RPA3: variants seen among roughly 807,000 people sequenced by gnomAD.
The protein encoded by RPA3 is replication protein A 14 kDa subunit.
Under a neutral mutation model 13.7 loss-of-function variants are expected in RPA3, and 24 were observed. That is an observed-to-expected ratio of 1.75 (90% CI 1.27 to 2.46). RPA3 has a LOEUF of 2.46. RPA3 is among the 30% of genes most tolerant of loss of function. The probability of loss-of-function intolerance (pLI) is 0.00; values close to 1 mark genes in which losing one functional copy is unlikely to be tolerated. For missense variants in RPA3, 183 were observed against 151.0 expected (o/e 1.21, Z -1.11); for synonymous variants, 59 against 51.2 (o/e 1.15, Z -0.65).
chr7:7,656,307 T>A lies in RPA3; in HGVS notation c.-757-15132A>T, dbSNP rs568522168. Among the ~76,000 whole-genome samples, 1,177 of 151,942 alleles carry A rather than the reference T, an allele frequency of 7.7e-3. 13 individuals are homozygous for A. The highest frequency in any genetic ancestry group is 0.026 in the African/African-American group (1,076 of 41,438). Reference sequence around the variant, plus strand: ...TTAGTAAAGAACTTGTTCATGTATTTAAAAAAATTTTTTTTTTGTTTTATT... The same window carrying A: ...TTAGTAAAGAACTTGTTCATGTATTAAAAAAAATTTTTTTTTTGTTTTATT... On this transcript the variant is annotated intron_variant, in intron 4 of 7. Coordinates refer to ENST00000223129, the MANE Select transcript of RPA3 (RefSeq NM_002947.5).
chr7:7,643,811 A>T (rs1785033856), intron 4 of RPA3, among the ~76,000 whole-genome samples: 1 of 151,512 alleles, frequency 6.6e-6, no homozygotes, highest in Admixed American at 6.6e-5. Flanking sequence ...TTGGGTCTCT[A>T]ACAAGCACAC....
At chr7:7,642,686 T>C (rs776024481) in intron 4 of RPA3, among the ~76,000 whole-genome samples, 1 of 152,168 alleles carries the variant, frequency 6.6e-6, no homozygotes, top group Non-Finnish European at 1.5e-5. Flanking sequence ...CCGATTTGCA[T>C]AGTTTTGAGA....
intron 4 of RPA3, among the ~76,000 whole-genome samples, chr7:7,654,422 G>A (rs966729526): frequency 6.6e-6 from 1 of 152,206 alleles, no homozygotes; most frequent in African/African-American, 2.4e-5. Context: ...ATTCTGTAGA[G>A]ACAGTACAGT....
At chr7:7,662,210 G>A (rs962196935) in intron 4 of RPA3, among the ~76,000 whole-genome samples, 3 of 152,168 alleles carry the variant, frequency 2.0e-5, no homozygotes, top group Non-Finnish European at 2.9e-5. Flanking sequence ...TGCTGGCAGC[G>A]ATAATTTCAA....
In RPA3 at chr7:7,664,748, G is replaced by A. The variant is rs554036543; in HGVS notation, c.-758+21082C>T. On this transcript the variant is annotated intron_variant, in intron 4 of 7. Coordinates refer to ENST00000223129, the MANE Select transcript of RPA3 (RefSeq NM_002947.5). The stretch of plus-strand genomic sequence containing the variant: ...TCTGGAATGTTTTATGCTTTCTAGC[G>A]TTGTTTTAGGTTGTGTATTCTTATC... Among the ~76,000 whole-genome samples the A allele has an allele frequency of 1.1e-4, 16 of 152,230 alleles. No homozygotes were observed. The South Asian group carries it at 2.3e-3, about 22-fold the overall frequency.
intron 2 of RPA3, among the ~76,000 whole-genome samples, chr7:7,695,056 CCTTT>C (rs1422427553): frequency 6.6e-6 from 1 of 152,148 alleles, no homozygotes; most frequent in Non-Finnish European, 1.5e-5. Context: ...TTTGTCATTA[CCTTT>C]CTTTTGGATA....
chr7:7,712,006 T>C (rs537102199), intron 2 of RPA3, among the ~76,000 whole-genome samples: 1 of 152,120 alleles, frequency 6.6e-6, no homozygotes, highest in Non-Finnish European at 1.5e-5. Flanking sequence ...TTGGATTAAT[T>C]CATCTTCTTT....
intron 4 of RPA3, among the ~76,000 whole-genome samples, chr7:7,654,493 G>A (rs1188904016): frequency 1.3e-5 from 2 of 152,244 alleles, no homozygotes; most frequent in Admixed American, 6.5e-5. Context: ...CAAATCCACA[G>A]ATGCTCAAGT....
At chr7:7,675,192 A>G (rs570560924) in intron 4 of RPA3, among the ~76,000 whole-genome samples, 5 of 152,290 alleles carry the variant, frequency 3.3e-5, no homozygotes, top group African/African-American at 1.2e-4. Context: ...ATGATTAGAA[A>G]TTGACATTAT....
chr7:7,714,467 C>T (rs899848401), intron 2 of RPA3, among the ~76,000 whole-genome samples: 8 of 152,168 alleles, frequency 5.3e-5, no homozygotes, highest in Admixed American at 2.0e-4. Context: ...CTTATAGCTA[C>T]GAAACTTTGT....
chr7:7,678,684 T>C (rs1202740055), intron 4 of RPA3, among the ~76,000 whole-genome samples: 2 of 126,886 alleles, frequency 1.6e-5, no homozygotes, highest in African/African-American at 3.2e-5. Context: ...TATTTATATA[T>C]TTAGTTTATA....
intron 7 of RPA3, 25 bp from the exon 8 acceptor site, chr7:7,637,107 T>C: frequency 6.8e-7 from 1 of 1,465,916 alleles, no homozygotes; most frequent in East Asian, 2.3e-5. Context: ...TAAGCAAACA[T>C]TTAATCTACA....
intron 4 of RPA3, among the ~76,000 whole-genome samples, chr7:7,655,201 C>T (rs1030627145): frequency 6.6e-6 from 1 of 152,022 alleles, no homozygotes; most frequent in African/African-American, 2.4e-5. Flanking sequence ...CAGACAGAGC[C>T]AGCCATTAAA....
intron 4 of RPA3, 57 bp from the exon 5 acceptor site, chr7:7,641,232 C>G (rs190163906): frequency 6.6e-6 from 1 of 152,330 alleles, no homozygotes; most frequent in East Asian, 1.9e-4. Context: ...CCCAACCTGG[C>G]CACACTGCGG....
Position 7,640,438 on chromosome 7 carries a change from G to C in RPA3, c.-20C>G, listed in dbSNP as rs765435012. The C allele has an allele frequency of 1.2e-6, 2 of 1,611,166 alleles. No individual in the cohort carries two copies. Among genetic ancestry groups the C allele is most frequent in the South Asian group, 2.2e-5 (2 of 91,012 alleles). ...CACCATGATTATGGTCCAAGACTGC[G>C]GCTGGCGGGAAACCCACGGACGACT... On this transcript the variant is annotated 5_prime_UTR_variant, in exon 5 of 8. Coordinates refer to ENST00000223129, the MANE Select transcript of RPA3 (RefSeq NM_002947.5).
chr7:7,641,511 C>T (rs924172506), intron 4 of RPA3: 2 of 152,114 alleles, frequency 1.3e-5, no homozygotes, highest in African/African-American at 2.4e-5. Flanking sequence ...CAGTTTAAAC[C>T]CCCTCAGCAG....
At chr7:7,697,507 T>C (rs931896230) in intron 2 of RPA3, among the ~76,000 whole-genome samples, 2 of 152,238 alleles carry the variant, frequency 1.3e-5, no homozygotes, top group Non-Finnish European at 2.9e-5. Context: ...TGAAATATGA[T>C]TGTGGCTTCC....
At chr7:7,695,403 C>T (rs146263328) in intron 2 of RPA3, among the ~76,000 whole-genome samples, 1 of 152,284 alleles carries the variant, frequency 6.6e-6, no homozygotes, top group Admixed American at 6.5e-5. Flanking sequence ...AATCTCCTAA[C>T]CTTGTCTTTC....
At chr7:7,647,668 C>T (rs148478311) in intron 4 of RPA3, among the ~76,000 whole-genome samples, 5 of 152,134 alleles carry the variant, frequency 3.3e-5, no homozygotes, top group Non-Finnish European at 7.3e-5. Context: ...ACTGCAGTGG[C>T]GTGATTGTGG....
Sources: allele counts gnomAD v4.1 joint callset (sites outside exome capture counted in the v4.1 genomes callset), GRCh38; gene constraint gnomAD v4.1.1; transcripts MANE v1.5; gene names NCBI Gene and HGNC (gene_info 2026-07-23, HGNC 2026-07-21).